MECOM: variants seen among roughly 807,000 people sequenced by gnomAD.
MECOM encodes the protein histone-lysine N-methyltransferase MECOM.
MECOM carries 13 observed loss-of-function variants against 116.3 expected under a neutral mutation model. The observed-to-expected ratio is 0.11, with a 90% CI of 0.07 to 0.18. The LOEUF (loss-of-function observed/expected upper bound fraction) is 0.18, where lower values mean the gene tolerates loss of function less well. Among genes scored for constraint, MECOM ranks in the 10% least tolerant of loss-of-function variants. MECOM has a pLI of 1.00. For synonymous variants in MECOM, 528 were observed against 535.2 expected, an observed-to-expected ratio of 0.99 and a Z score of 0.19; for missense variants, 1,299 against 1,509.0, an observed-to-expected ratio of 0.86 and a Z score of 2.31.
chr3:169,089,865 A>T, intron 15 of MECOM, 135 bp downstream of exon 15: 1 of 1,354,666 alleles, frequency 7.4e-7, no homozygotes, highest in Non-Finnish European at 9.8e-7. Context: ...TTTAAATCTG[A>T]TCCACCATGT....
At chr3:169,121,387 A>G (rs1010428109) in intron 6 of MECOM, among the ~76,000 whole-genome samples, 178 bp from the exon 7 acceptor site, 4 of 152,210 alleles carry the variant, frequency 2.6e-5, no homozygotes, top group Non-Finnish European at 5.9e-5. Context: ...TAGGAACTGT[A>G]AATTATTCTG....
intron 2 of MECOM, among the ~76,000 whole-genome samples, chr3:169,366,120 T>G (rs1379714592): frequency 6.6e-6 from 1 of 151,956 alleles, no homozygotes; most frequent in African/African-American, 2.4e-5. Context: ...CACCCTTCAT[T>G]AAGGCTAGAT....
intron 1 of MECOM, among the ~76,000 whole-genome samples, chr3:169,536,941 G>A (rs1759441473): frequency 1.3e-5 from 2 of 152,038 alleles, no homozygotes; most frequent in Non-Finnish European, 2.9e-5. Flanking sequence ...TTTTATAGAT[G>A]GGGAAACTGC....
rs748984561 is a variant in MECOM, at chr3:169,322,997, T to TAAAAAAA, written c.375+58183_375+58189dup. Among the ~76,000 whole-genome samples, 87 of 56,048 alleles carry TAAAAAAA rather than the reference T, an allele frequency of 1.6e-3. 6 individuals are homozygous for TAAAAAAA. The highest frequency in any genetic ancestry group is 5.8e-3 in the African/African-American group (83 of 14,258). The allele number at this position is 56,048 out of a possible 152,430, so 36.8% of individuals were successfully genotyped here. The stretch of plus-strand genomic sequence containing the variant: ...CCTGCATGACAGAGCAAGACTCCGG[T>TAAAAAAA]AAAAAAAAAAAAAAAAAAAAAAAAA... On this transcript the variant is annotated intron_variant, in intron 2 of 16. Transcript: ENST00000651503.
intron 1 of MECOM, among the ~76,000 whole-genome samples, chr3:169,582,083 G>A (rs1254781114): frequency 1.3e-5 from 2 of 152,154 alleles, no homozygotes; most frequent in African/African-American, 4.8e-5. Context: ...GTTGCCTTGA[G>A]GCCTGGTTTA....
At chr3:169,346,959 C>T (rs1725467355) in intron 2 of MECOM, among the ~76,000 whole-genome samples, 1 of 151,944 alleles carries the variant, frequency 6.6e-6, no homozygotes, top group Non-Finnish European at 1.5e-5. Context: ...AAAAGCAACC[C>T]AAATGTTTAA....
intron 1 of MECOM, among the ~76,000 whole-genome samples, chr3:169,652,167 T>G (rs1276197260): frequency 1.3e-5 from 2 of 152,180 alleles, no homozygotes; most frequent in East Asian, 3.9e-4. Flanking sequence ...ATGAAAATGT[T>G]TCTTGCATGT....
At chr3:169,252,449 G>A (rs958960502) in intron 2 of MECOM, among the ~76,000 whole-genome samples, 8 of 151,320 alleles carry the variant, frequency 5.3e-5, no homozygotes, top group African/African-American at 1.9e-4. Flanking sequence ...TATTAATAAA[G>A]TTCTATGATA....
intron 3 of MECOM, among the ~76,000 whole-genome samples, chr3:169,141,306 T>C (rs1415140327): frequency 6.6e-6 from 1 of 152,062 alleles, no homozygotes; most frequent in African/African-American, 2.4e-5. Context: ...AGAAACACTT[T>C]TTATAATTTC....
chr3:169,471,896 T>C, intron 1 of MECOM, among the ~76,000 whole-genome samples: 1 of 152,234 alleles, frequency 6.6e-6, no homozygotes, highest in Non-Finnish European at 1.5e-5. Context: ...TGCATTTATT[T>C]ATGCCCCCTT....
At chr3:169,406,778 G>A (rs1195153677) in intron 1 of MECOM, among the ~76,000 whole-genome samples, 1 of 151,542 alleles carries the variant, frequency 6.6e-6, no homozygotes, top group East Asian at 1.9e-4. Context: ...CAGTCTTCTT[G>A]AGCCCAAGCA....
At chr3:169,122,451 CA>C in intron 6 of MECOM, 128 bp downstream of exon 6, 1 of 1,008,700 alleles carries the variant, frequency 9.9e-7, no homozygotes, top group East Asian at 2.5e-5. Flanking sequence ...ATACAACACT[CA>C]GTGTACTTTT....
Position 169,518,789 on chromosome 3 carries a change from C to T in MECOM, c.38-137265G>A, listed in dbSNP as rs114567092. ...GAATTATGGAGACAGGTCTTTTCTG[C>T]GCTGTTCTCATGATAGTGAGATCAG... On this transcript the variant is annotated intron_variant, in intron 1 of 16. Coordinates refer to ENST00000651503, the MANE Select transcript of MECOM (RefSeq NM_004991.4). Among the ~76,000 whole-genome samples the T allele has an allele frequency of 6.5e-3, 982 of 152,194 alleles. 7 individuals carry two copies. Among genetic ancestry groups the T allele is most frequent in the South Asian group, 0.043 (205 of 4,816 alleles).
At chr3:169,479,516 A>G (rs1750967894) in intron 1 of MECOM, among the ~76,000 whole-genome samples, 2 of 152,090 alleles carry the variant, frequency 1.3e-5, no homozygotes, top group African/African-American at 4.8e-5. Flanking sequence ...AGGCTCTTCT[A>G]AAGATTACGG....
At chr3:169,563,880 T>G (rs1382171179) in intron 1 of MECOM, among the ~76,000 whole-genome samples, 1 of 152,154 alleles carries the variant, frequency 6.6e-6, no homozygotes, top group Non-Finnish European at 1.5e-5. Flanking sequence ...CAAGTGTAGG[T>G]GCTCTTCCGG....
intron 2 of MECOM, among the ~76,000 whole-genome samples, chr3:169,299,668 A>G (rs1463665623): frequency 2.0e-5 from 3 of 152,180 alleles, no homozygotes; most frequent in African/African-American, 7.2e-5. Flanking sequence ...TTCCATATGC[A>G]TAATTCCATA....
At chr3:169,497,646 C>G (rs1753995304) in intron 1 of MECOM, among the ~76,000 whole-genome samples, 1 of 152,238 alleles carries the variant, frequency 6.6e-6, no homozygotes, top group Admixed American at 6.5e-5. Flanking sequence ...GCATGAGACA[C>G]AGCTCCCGGC....
chr3:169,503,539 C>T (rs1754809391), intron 1 of MECOM, among the ~76,000 whole-genome samples: 1 of 152,152 alleles, frequency 6.6e-6, no homozygotes, highest in Non-Finnish European at 1.5e-5. Flanking sequence ...TTTAGGTTTA[C>T]AAAGAAAAAG....
intron 1 of MECOM, among the ~76,000 whole-genome samples, chr3:169,572,943 G>A (rs560535358): frequency 3.3e-5 from 5 of 151,838 alleles, no homozygotes; most frequent in African/African-American, 9.7e-5. Context: ...AAACCTGCAC[G>A]TTCTGCACAT....
Sources: gnomAD v4.1 joint callset for allele counts (sites outside exome capture counted in the v4.1 genomes callset) on GRCh38, gnomAD v4.1.1 for gene constraint, MANE v1.5 for transcripts, NCBI Gene and HGNC (gene_info 2026-07-23, HGNC 2026-07-21) for gene names.